ITGBL1: variants seen among roughly 807,000 people sequenced by gnomAD.
The protein encoded by ITGBL1 is integrin subunit beta like 1.
ITGBL1 carries 51 observed loss-of-function variants against 68.5 expected under a neutral mutation model. That is an observed-to-expected ratio of 0.74 (90% CI 0.59 to 0.94). ITGBL1 has a LOEUF of 0.94. Among genes scored for constraint, ITGBL1 ranks in the 40% least tolerant of loss-of-function variants. The pLI is 0.00. For synonymous variants in ITGBL1, 209 were observed against 227.3 expected (o/e 0.92, Z 0.72); for missense variants, 649 against 647.4 (o/e 1.00, Z -0.03).
chr13:101,651,149 T>C (rs542277108), intron 7 of ITGBL1, among the ~76,000 whole-genome samples: 1 of 152,270 alleles, frequency 6.6e-6, no homozygotes, highest in African/African-American at 2.4e-5. Context: ...TTATATTCCT[T>C]TAGGTATATA....
intron 6 of ITGBL1, among the ~76,000 whole-genome samples, chr13:101,597,627 C>G (rs745484378): frequency 4.0e-5 from 6 of 151,868 alleles, no homozygotes; most frequent in Non-Finnish European, 8.8e-5. Context: ...ACTTGGCTTG[C>G]TGCAATGTCT....
intron 9 of ITGBL1, chr13:101,713,254 A>T (rs1422592938): frequency 2.0e-5 from 3 of 151,858 alleles, no homozygotes; most frequent in African/African-American, 7.3e-5. Context: ...GATGACCACA[A>T]CTCCTTTTTC....
chr13:101,463,547 A>G (rs1202804776), intron 2 of ITGBL1, among the ~76,000 whole-genome samples: 4 of 152,024 alleles, frequency 2.6e-5, no homozygotes, highest in Admixed American at 2.6e-4. Context: ...TTAGTCCTTG[A>G]ATTTGGAATT....
rs1322548441 is a variant in ITGBL1 at position 101,586,722 on chromosome 13, G to A, written c.868+3366G>A. 2.0e-5 allele frequency among the ~76,000 whole-genome samples: 3 copies of A among 152,070 alleles called. No homozygotes were observed. The East Asian group carries it at 5.8e-4, about 29-fold the overall frequency. On this transcript the variant is annotated intron_variant, in intron 6 of 10. Coordinates refer to ENST00000376180, the MANE Select transcript of ITGBL1 (RefSeq NM_004791.3). ...TTTTTCTGAGGAAGAACTGTCCTCTGGGTACTCAGATTTTTTTAAAATAAA... is the reference window on the plus strand; with the variant it reads ...TTTTTCTGAGGAAGAACTGTCCTCTAGGTACTCAGATTTTTTTAAAATAAA...
chr13:101,669,168 A>T lies in ITGBL1; in HGVS notation c.1016-23417A>T, dbSNP rs536650228. Among the ~76,000 whole-genome samples, 101 of 152,236 alleles carry T rather than the reference A, an allele frequency of 6.6e-4. No individual in the cohort carries two copies. The South Asian group carries it at 0.021, about 31-fold the overall frequency. On this transcript the variant is annotated intron_variant, in intron 7 of 10. Transcript: ENST00000376180. ...TTAAATTTTGGTAGGAAGGAAGAATAATTTTGTCTAAGGGTTATTTCAAAG... is the reference window on the plus strand; with the variant it reads ...TTAAATTTTGGTAGGAAGGAAGAATTATTTTGTCTAAGGGTTATTTCAAAG...
At chr13:101,708,279 T>C (rs1346650290) in intron 9 of ITGBL1, among the ~76,000 whole-genome samples, 1 of 152,196 alleles carries the variant, frequency 6.6e-6, no homozygotes, top group Non-Finnish European at 1.5e-5. Context: ...TCTCACCTCA[T>C]GTCTGGGGAG....
At chr13:101,582,825 T>C (rs2050483112) in intron 5 of ITGBL1, among the ~76,000 whole-genome samples, 1 of 152,230 alleles carries the variant, frequency 6.6e-6, no homozygotes, top group South Asian at 2.1e-4. Context: ...ATTCATGTCT[T>C]AGTTTACAAA....
intron 7 of ITGBL1, among the ~76,000 whole-genome samples, chr13:101,612,356 G>A (rs1194951488): frequency 6.6e-6 from 1 of 152,110 alleles, no homozygotes; most frequent in Non-Finnish European, 1.5e-5. Context: ...TCTTTGCAGA[G>A]CCCTGTATTG....
At chr13:101,642,112 G>A (rs371266070) in intron 7 of ITGBL1, among the ~76,000 whole-genome samples, 19,617 of 151,032 alleles carry the variant, frequency 0.13, 1,816 homozygotes, top group African/African-American at 0.27. Flanking sequence ...GGTATTTCTA[G>A]TTCTAGATCC....
At chr13:101,586,188 A>G (rs1290767954) in intron 6 of ITGBL1, among the ~76,000 whole-genome samples, 1 of 151,708 alleles carries the variant, frequency 6.6e-6, no homozygotes, top group Non-Finnish European at 1.5e-5. Flanking sequence ...TTCCCCTCCA[A>G]CCCCTCTTCC....
chr13:101,483,344 G>T (rs2139043966), intron 2 of ITGBL1, among the ~76,000 whole-genome samples: 1 of 152,254 alleles, frequency 6.6e-6, no homozygotes, highest in East Asian at 1.9e-4. Context: ...AATTAATTTA[G>T]TATGGGGGCA....
chr13:101,598,095 A>C, intron 6 of ITGBL1, 58 bp from the exon 7 acceptor site: 102 of 1,367,374 alleles, frequency 7.5e-5, no homozygotes, highest in Non-Finnish European at 9.7e-5. Context: ...AATGAAAACT[A>C]ATTCCAACTT....
At chr13:101,529,621 G>A (rs2049438673) in intron 2 of ITGBL1, among the ~76,000 whole-genome samples, 1 of 152,284 alleles carries the variant, frequency 6.6e-6, no homozygotes, top group African/African-American at 2.4e-5. Context: ...TAATCCCCAC[G>A]TGTTGAGGGA....
chr13:101,674,375 T>C (rs2033449667), intron 7 of ITGBL1, among the ~76,000 whole-genome samples: 1 of 152,238 alleles, frequency 6.6e-6, no homozygotes, highest in African/African-American at 2.4e-5. Context: ...TAGTTTACTA[T>C]GACATGTTCT....
intron 2 of ITGBL1, among the ~76,000 whole-genome samples, chr13:101,551,617 G>C (rs1168617587): frequency 1.3e-5 from 2 of 152,104 alleles, no homozygotes; most frequent in Non-Finnish European, 2.9e-5. Flanking sequence ...AAAATTTGGA[G>C]GAATCATGAA....
At chr13:101,585,030 C>T (rs2050528162) in intron 6 of ITGBL1, among the ~76,000 whole-genome samples, 1 of 151,928 alleles carries the variant, frequency 6.6e-6, no homozygotes, top group Non-Finnish European at 1.5e-5. Context: ...TTGAAATTAC[C>T]AGAATGCAGA....
chr13:101,466,549 T>G (rs991957790), intron 2 of ITGBL1, among the ~76,000 whole-genome samples: 1 of 152,200 alleles, frequency 6.6e-6, no homozygotes, highest in African/African-American at 2.4e-5. Flanking sequence ...TTTCTCACCT[T>G]GTATGCTCCC....
At chr13:101,676,587 G>C (rs2033508625) in intron 7 of ITGBL1, among the ~76,000 whole-genome samples, 1 of 152,100 alleles carries the variant, frequency 6.6e-6, no homozygotes, top group Non-Finnish European at 1.5e-5. Flanking sequence ...ATACATCAAA[G>C]AGATTATTTG....
intron 2 of ITGBL1, among the ~76,000 whole-genome samples, chr13:101,481,085 C>CACATGCAT (rs71121196): frequency 1.3e-5 from 2 of 149,006 alleles, no homozygotes; most frequent in African/African-American, 5.0e-5. Context: ...TATATACACA[C>CACATGCAT]ATATATATAC....
Sources: allele counts gnomAD v4.1 joint callset (sites outside exome capture counted in the v4.1 genomes callset), GRCh38; gene constraint gnomAD v4.1.1; transcripts MANE v1.5; gene names NCBI Gene and HGNC (gene_info 2026-07-23, HGNC 2026-07-21).